The following LAMA2 variants were observed in gnomAD, a reference collection of about 807,000 sequenced individuals.
The protein encoded by LAMA2 is laminin subunit alpha 2.
In LAMA2, 269 loss-of-function variants were observed where a neutral mutation model predicts 364.8. The observed-to-expected ratio is 0.74, with a 90% CI of 0.67 to 0.82. The LOEUF (loss-of-function observed/expected upper bound fraction) is 0.82, where lower values mean the gene tolerates loss of function less well. Ranked by LOEUF, LAMA2 falls within the 40% of genes least tolerant of loss-of-function variation. The pLI is 0.00. For synonymous variants in LAMA2, 1,379 were observed against 1,370.6 expected, an observed-to-expected ratio of 1.01 and a Z score of -0.14; for missense variants, 3,807 against 3,873.2, an observed-to-expected ratio of 0.98 and a Z score of 0.45.
chr6:129,427,417 G>A (rs560359374), intron 40 of LAMA2, among the ~76,000 whole-genome samples: 2 of 152,208 alleles, frequency 1.3e-5, no homozygotes, highest in East Asian at 3.9e-4. Flanking sequence ...ATCATGCATC[G>A]AGTCACTTCT....
chr6:129,172,372 T>C (rs1274918006), intron 9 of LAMA2, among the ~76,000 whole-genome samples: 1 of 152,202 alleles, frequency 6.6e-6, no homozygotes, highest in Non-Finnish European at 1.5e-5. Flanking sequence ...GTCCTTTCTG[T>C]TTGTTAGTTT....
In LAMA2 at chr6:129,162,676, T is replaced by C. The variant is rs76096676; in HGVS notation, c.1207-2900T>C. ...AACATAGCCATTATTTGTTTCTTTG[T>C]TCTATATATATATATCTTTAATTCA... On this transcript the variant is annotated intron_variant, in intron 8 of 64. Transcript: ENST00000421865. Among the ~76,000 whole-genome samples the C allele has an allele frequency of 8.9e-3, 1,349 of 152,236 alleles. 15 individuals are homozygous for C. Among genetic ancestry groups the C allele is most frequent in the African/African-American group, 0.031 (1,269 of 41,526 alleles).
At chr6:129,239,973 G>C (rs1470301856) in intron 12 of LAMA2, among the ~76,000 whole-genome samples, 2 of 152,204 alleles carry the variant, frequency 1.3e-5, no homozygotes, top group African/African-American at 4.8e-5. Context: ...TAGCAAGAAA[G>C]CCAGTTCGAT....
chr6:129,404,050 G>T, intron 40 of LAMA2, 91 bp downstream of exon 40: 1 of 1,425,764 alleles, frequency 7.0e-7, no homozygotes, highest in African/African-American at 1.4e-5. Context: ...CCAGTAAATT[G>T]GTATATTTGT....
intron 1 of LAMA2, among the ~76,000 whole-genome samples, chr6:129,046,980 G>A (rs911825610): frequency 6.6e-6 from 1 of 152,100 alleles, no homozygotes; most frequent in African/African-American, 2.4e-5. Flanking sequence ...AGGAATAGTT[G>A]TACCGTTAAA....
chr6:129,139,437 A>G (rs567859588), intron 4 of LAMA2, among the ~76,000 whole-genome samples: 1 of 152,130 alleles, frequency 6.6e-6, no homozygotes, highest in Non-Finnish European at 1.5e-5. Context: ...AACTATTTAC[A>G]TAGCCTTTAC....
intron 4 of LAMA2, among the ~76,000 whole-genome samples, chr6:129,135,714 A>G (rs1777753520): frequency 6.6e-6 from 1 of 152,152 alleles, no homozygotes; most frequent in Non-Finnish European, 1.5e-5. Context: ...TTTTTCTCTA[A>G]TGACTTGCTC....
At chr6:128,966,529 A>C (rs894520573) in intron 1 of LAMA2, among the ~76,000 whole-genome samples, 1 of 151,924 alleles carries the variant, frequency 6.6e-6, no homozygotes, top group African/African-American at 2.4e-5. Flanking sequence ...AATAATTTAA[A>C]CTCAAGGGAT....
intron 1 of LAMA2, among the ~76,000 whole-genome samples, chr6:129,006,086 T>A: frequency 6.6e-6 from 1 of 152,106 alleles, no homozygotes; most frequent in Admixed American, 6.5e-5. Flanking sequence ...TGTCCATCAA[T>A]ATCACTGTTT....
At chr6:129,313,581 TACAA>T (rs1774366449) in intron 23 of LAMA2, among the ~76,000 whole-genome samples, 1 of 152,218 alleles carries the variant, frequency 6.6e-6, no homozygotes, top group Non-Finnish European at 1.5e-5. Flanking sequence ...ACGCTGTCAT[TACAA>T]ACAGTGACTA....
At chr6:129,030,154 G>A (rs779539157) in intron 1 of LAMA2, among the ~76,000 whole-genome samples, 5 of 152,022 alleles carry the variant, frequency 3.3e-5, no homozygotes, top group Non-Finnish European at 5.9e-5. Flanking sequence ...TCTGGGCGTG[G>A]CCTCTAGCCA....
At chr6:129,045,869 C>G (rs1438404549) in intron 1 of LAMA2, among the ~76,000 whole-genome samples, 1 of 152,156 alleles carries the variant, frequency 6.6e-6, no homozygotes, top group Non-Finnish European at 1.5e-5. Context: ...GGAGTCTTAC[C>G]CATACCTGCA....
intron 12 of LAMA2, among the ~76,000 whole-genome samples, chr6:129,206,085 GAA>G (rs1782631953): frequency 9.6e-6 from 1 of 104,458 alleles, no homozygotes; most frequent in Non-Finnish European, 1.9e-5. Context: ...AGGAAAGGAG[GAA>G]GGAAGGGAGG....
chr6:129,107,696 T>C (rs1489734553), intron 4 of LAMA2, among the ~76,000 whole-genome samples: 3 of 152,182 alleles, frequency 2.0e-5, no homozygotes, highest in African/African-American at 4.8e-5. Context: ...TTCCCATGTA[T>C]AAATTCATAT....
intron 3 of LAMA2, among the ~76,000 whole-genome samples, chr6:129,065,304 T>G (rs903904094): frequency 2.6e-5 from 4 of 152,120 alleles, no homozygotes; most frequent in African/African-American, 7.2e-5. Context: ...AACATCATAC[T>G]CAATAGTGAA....
intron 8 of LAMA2, chr6:129,158,652 A>T (rs1199944396): frequency 1.9e-6 from 3 of 1,614,198 alleles, no homozygotes; most frequent in Non-Finnish European, 8.5e-7. Flanking sequence ...CATAGAAATG[A>T]GCAAAACCAG....
chr6:129,237,113 G>C (rs1398988829), intron 12 of LAMA2, among the ~76,000 whole-genome samples: 1 of 152,074 alleles, frequency 6.6e-6, no homozygotes, highest in Non-Finnish European at 1.5e-5. Flanking sequence ...ACAGTTATAA[G>C]ATTCTTACCA....
At chr6:129,481,940 A>G (rs1189816673) in intron 55 of LAMA2, among the ~76,000 whole-genome samples, 1 of 152,196 alleles carries the variant, frequency 6.6e-6, no homozygotes, top group East Asian at 1.9e-4. Context: ...TCTGGGAGAA[A>G]GCAAGTAGAA....
chr6:129,380,873 AATG>A (rs1482757571), intron 34 of LAMA2, among the ~76,000 whole-genome samples: 1 of 152,206 alleles, frequency 6.6e-6, no homozygotes, highest in African/African-American at 2.4e-5. Flanking sequence ...AATGCATGTG[AATG>A]ATGACTCTTA....
Sources: allele counts gnomAD v4.1 joint callset (sites outside exome capture counted in the v4.1 genomes callset), GRCh38; gene constraint gnomAD v4.1.1; transcripts MANE v1.5; gene names NCBI Gene and HGNC (gene_info 2026-07-23, HGNC 2026-07-21).